AP1M1: variants seen among roughly 807,000 people sequenced by gnomAD.
AP1M1 encodes the protein AP-1 complex subunit mu-1.
AP1M1 carries 18 observed loss-of-function variants against 57.1 expected under a neutral mutation model. That is an observed-to-expected ratio of 0.32 (90% CI 0.22 to 0.47). AP1M1 has a LOEUF of 0.47. Among genes scored for constraint, AP1M1 ranks in the 20% least tolerant of loss-of-function variants. The pLI is 1.00. For missense variants in AP1M1, 362 were observed against 593.5 expected, an observed-to-expected ratio of 0.61 and a Z score of 4.05; for synonymous variants, 241 against 237.9, an observed-to-expected ratio of 1.01 and a Z score of -0.12.
At chr19:16,226,975 C>A (rs1310498760) in intron 6 of AP1M1, among the ~76,000 whole-genome samples, 2 of 152,162 alleles carry the variant, frequency 1.3e-5, no homozygotes, top group African/African-American at 4.8e-5. Context: ...AGGGCGGGGG[C>A]AGAGGGGCCC....
chr19:16,226,546 C>T lies in AP1M1; in HGVS notation c.672C>T (p.Gly224=). The T allele has an allele frequency of 6.3e-7, 1 of 1,578,448 alleles. No individual in the cohort carries two copies. Among genetic ancestry groups the T allele is most frequent in the African/African-American group, 1.3e-5 (1 of 74,562 alleles). The change falls in exon 6 of 12, where the codon GGC becomes GGT. Residue 224 remains glycine, a splice_region_variant and synonymous_variant. Transcript: ENST00000291439. ...ACAAGGTCCTCTTTGACAACACGGG[C>T]CGTGAGTACCCTTGCCAAGGGCCCT... ...LNDKVLFDNT[G]RGKSKSVELE...
chr19:16,197,944 G>A lies in AP1M1; in HGVS notation c.-83G>A, dbSNP rs2091430535. 2.9e-6 allele frequency: 3 copies of A among 1,038,754 alleles called. No homozygotes were observed. The highest frequency in any genetic ancestry group is 2.5e-6 in the Non-Finnish European group (2 of 807,692). 64.3% of individuals were successfully genotyped at this position (1,038,754 alleles called of 1,614,324 possible). A position where few individuals can be genotyped will look rare whatever the true frequency, so the allele number is the denominator to read the frequency against. On this transcript the variant is annotated 5_prime_UTR_variant, in exon 1 of 12. Coordinates refer to ENST00000291439, the MANE Select transcript of AP1M1 (RefSeq NM_032493.4). ...AGGTGAGCTGTCGCGGGCGGCGCCC[G>A]GCCTTGCTCAACGCCCAGCAGTCCC...
Position 16,245,369 on chromosome 19 carries a change from C to A in AP1M1, c.*10934C>A, listed in dbSNP as rs1599472732. ...TGATCTCAGCTCACTGCAACCTCCA[C>A]CTCCTGGGTTCAAGCAATTCTCCTG... On this transcript the variant is annotated 3_prime_UTR_variant, in exon 12 of 12. Coordinates refer to ENST00000291439, the MANE Select transcript of AP1M1 (RefSeq NM_032493.4). 1 of 151,996 alleles carries A rather than the reference C, an allele frequency of 6.6e-6. No individual in the cohort carries two copies. The highest frequency in any genetic ancestry group is 1.5e-5 in the Non-Finnish European group (1 of 68,024). The allele number at this position is 151,996 out of a possible 1,614,324, so 9.4% of individuals were successfully genotyped here. A position where few individuals can be genotyped will look rare whatever the true frequency, so the allele number is the denominator to read the frequency against.
intron 1 of AP1M1, among the ~76,000 whole-genome samples, chr19:16,201,430 G>A (rs1227064759): frequency 8.9e-6 from 1 of 112,188 alleles, no homozygotes; most frequent in Non-Finnish European, 1.7e-5. Context: ...ATGGAGTTAC[G>A]TTCTGTCAGC....
intron 9 of AP1M1, among the ~76,000 whole-genome samples, chr19:16,229,954 G>T (rs910964964): frequency 2.6e-5 from 4 of 152,186 alleles, no homozygotes; most frequent in Admixed American, 6.5e-5. Context: ...CCATGGAGGG[G>T]TGGTGACCAT....
At chr19:16,213,639 C>T (rs2091505025) in intron 5 of AP1M1, among the ~76,000 whole-genome samples, 1 of 152,076 alleles carries the variant, frequency 6.6e-6, no homozygotes, top group African/African-American at 2.4e-5. Context: ...GGATTACAGG[C>T]ACGCGCCACC....
Position 16,207,903 on chromosome 19 carries a change from G to C in AP1M1, c.268-116G>C, listed in dbSNP as rs1357412236. On this transcript the variant is annotated intron_variant, in intron 3 of 11. Coordinates refer to ENST00000291439, the MANE Select transcript of AP1M1 (RefSeq NM_032493.4). This position sits in a 1 kb window ranked among gnomAD's most constrained non-coding sequence, Gnocchi z 4.2. ...TGTAGCACACCACCGAGCCTGGGAA[G>C]TAGGCTGTTGGTAGGACTTAGCGGG... 4 of 1,344,306 alleles carry C rather than the reference G, an allele frequency of 3.0e-6. No homozygotes were observed. The highest frequency in any genetic ancestry group is 4.1e-6 in the Non-Finnish European group (4 of 978,858). The allele number at this position is 1,344,306 out of a possible 1,614,324, so 83.3% of individuals were successfully genotyped here. A position where few individuals can be genotyped will look rare whatever the true frequency, so the allele number is the denominator to read the frequency against.
chr19:16,227,991 C>T lies in AP1M1; in HGVS notation c.817-146C>T, dbSNP rs2091578650. Reference sequence around the variant, plus strand: ...ACCTCGGCCTGTCTGCCCTGGCCCTCCCTGACGCTGGCTGTACGCTCCCTG... The same window carrying T: ...ACCTCGGCCTGTCTGCCCTGGCCCTTCCTGACGCTGGCTGTACGCTCCCTG... On this transcript the variant is annotated intron_variant, in intron 7 of 11. Transcript: ENST00000291439. The surrounding 1 kb of genome is among the most constrained non-coding windows in gnomAD (Gnocchi z 6.2). The T allele has an allele frequency of 1.1e-6, 1 of 897,260 alleles. No homozygotes were observed. Among genetic ancestry groups the T allele is most frequent in the Non-Finnish European group, 1.7e-6 (1 of 578,630 alleles). The allele number at this position is 897,260 out of a possible 1,614,324, so 55.6% of individuals were successfully genotyped here.
intron 5 of AP1M1, among the ~76,000 whole-genome samples, chr19:16,220,832 G>A (rs10451499): frequency 0.015 from 2,350 of 152,248 alleles, 62 homozygotes; most frequent in African/African-American, 0.053. Flanking sequence ...CTGAATTGAC[G>A]GTTTTTGTTT....
In AP1M1 at chr19:16,226,773, C is replaced by T. The variant is rs888516025; in HGVS notation, c.673+226C>T. ...TCCAGTCCAGCTGGGAGGCCCCCGT[C>T]ACCCGGCCTCACACGCCAGGTCCTG... On this transcript the variant is annotated intron_variant, in intron 6 of 11. Transcript: ENST00000291439. The T allele has an allele frequency of 1.3e-5, 7 of 540,390 alleles. No individual in the cohort carries two copies. The Admixed American group carries it at 2.4e-4, about 19-fold the overall frequency. The allele number at this position is 540,390 out of a possible 1,614,324, so 33.5% of individuals were successfully genotyped here. A position where few individuals can be genotyped will look rare whatever the true frequency, so the allele number is the denominator to read the frequency against.
chr19:16,205,628 G>C (rs1458185449), intron 2 of AP1M1, among the ~76,000 whole-genome samples: 3 of 152,092 alleles, frequency 2.0e-5, no homozygotes, highest in East Asian at 3.9e-4. Context: ...GCAGTGCATG[G>C]GCCTACAGAG....
intron 9 of AP1M1, among the ~76,000 whole-genome samples, chr19:16,231,008 G>T (rs1004339536): frequency 2.0e-5 from 3 of 151,974 alleles, no homozygotes; most frequent in African/African-American, 7.3e-5. Flanking sequence ...TACAGAGAGG[G>T]CCAGGCGCTG....
rs1285298330 is a variant in AP1M1 at position 16,241,147 on chromosome 19, T to C, written c.*6712T>C. 6.6e-6 allele frequency: 1 copy of C among 151,932 alleles called. No homozygotes were observed. The highest frequency in any genetic ancestry group is 2.4e-5 in the African/African-American group (1 of 41,368). The allele number at this position is 151,932 out of a possible 1,614,324, so 9.4% of individuals were successfully genotyped here. A position where few individuals can be genotyped will look rare whatever the true frequency, so the allele number is the denominator to read the frequency against. The stretch of plus-strand genomic sequence containing the variant: ...GACCAACAAGGAGAAACCCCATCTC[T>C]ACTAGAAATACAAAATTAGCCAGGT... On this transcript the variant is annotated 3_prime_UTR_variant, in exon 12 of 12. Coordinates refer to ENST00000291439, the MANE Select transcript of AP1M1 (RefSeq NM_032493.4).
rs746086930 is a variant in AP1M1 at position 16,203,594 on chromosome 19, A to C, written c.178A>C (p.Ile60Leu). 1 of 1,612,730 alleles carries C rather than the reference A, an allele frequency of 6.2e-7. No homozygotes were observed. Among genetic ancestry groups the C allele is most frequent in the Non-Finnish European group, 8.5e-7 (1 of 1,179,210 alleles). Residue 60 changes from isoleucine (I) to leucine (L), a missense_variant, in exon 2 of 12, where the codon ATC becomes CTC. Coordinates refer to ENST00000291439, the MANE Select transcript of AP1M1 (RefSeq NM_032493.4). This position sits in a 1 kb window ranked among gnomAD's most constrained non-coding sequence, Gnocchi z 4.6. ...LAHGGVRFMWIKHNNLYLVAT... is the reference protein window; with the variant it reads ...LAHGGVRFMWLKHNNLYLVAT... ...CCACGGGGGGGTCCGTTTCATGTGG[A>C]TCAAACACAACAACCTGTATCGTAT... is the stretch of plus-strand genomic sequence containing the variant.
At position 16,206,511 on chromosome 19, in the gene AP1M1, C is replaced by T. The variant is rs2145116904; in HGVS notation, c.267+103C>T. ...CACCCTACAGAGAGCTGTGGCATCC[C>T]CAGGGAGCACTGGGGCTGGAAGCCC... On this transcript the variant is annotated intron_variant, in intron 3 of 11. Transcript: ENST00000291439. The surrounding 1 kb of genome is among the most constrained non-coding windows in gnomAD (Gnocchi z 4.3). 2.4e-6 allele frequency: 3 copies of T among 1,244,188 alleles called. No homozygotes were observed. The highest frequency in any genetic ancestry group is 1.5e-5 in the African/African-American group (1 of 67,110). 77.1% of individuals were successfully genotyped at this position (1,244,188 alleles called of 1,614,324 possible).
At chr19:16,233,665 G>A (rs369068079) in intron 10 of AP1M1, 47 bp downstream of exon 10, 27 of 1,571,064 alleles carry the variant, frequency 1.7e-5, no homozygotes, top group Admixed American at 3.7e-5. Context: ...GACAGAGGCC[G>A]CAGGTGACAG....
chr19:16,208,164 G>T lies in AP1M1; in HGVS notation c.398+15G>T, dbSNP rs199694828. 180 of 1,608,770 alleles carry T rather than the reference G, an allele frequency of 1.1e-4. No homozygotes were observed. Among genetic ancestry groups the T allele is most frequent in the African/African-American group, 4.7e-4 (35 of 74,796 alleles). ...ATCCTGCAGGAGTGAGTGGGCAGGG[G>T]TGGGGCCTGGGGCCAGGCCTGGGCG... On this transcript the variant is annotated intron_variant, in intron 4 of 11. Transcript: ENST00000291439.
At chr19:16,219,231 C>T (rs1448689145) in intron 5 of AP1M1, among the ~76,000 whole-genome samples, 1 of 151,934 alleles carries the variant, frequency 6.6e-6, no homozygotes, top group Non-Finnish European at 1.5e-5. Flanking sequence ...AATAAAATCC[C>T]ATTGGTCATA....
chr19:16,206,393 C>T lies in AP1M1; in HGVS notation c.252C>T (p.Leu84=), dbSNP rs747130464. The T allele has an allele frequency of 1.2e-6, 2 of 1,614,054 alleles. No individual in the cohort carries two copies. The highest frequency in any genetic ancestry group is 1.7e-6 in the Non-Finnish European group (2 of 1,179,974). The change falls in exon 3 of 12, where the codon CTC becomes CTT. Residue 84 remains leucine (L), a synonymous_variant. Coordinates refer to ENST00000291439, the MANE Select transcript of AP1M1 (RefSeq NM_032493.4). This position sits in a 1 kb window ranked among gnomAD's most constrained non-coding sequence, Gnocchi z 4.3. ...NACVSLVFSF[L]YKVVQVFSEY... Reference sequence around the variant, plus strand: ...GCGTGTCGCTGGTCTTTTCTTTCCTCTATAAGGTGGTGCAGGTGAGTCTCG... The same window carrying T: ...GCGTGTCGCTGGTCTTTTCTTTCCTTTATAAGGTGGTGCAGGTGAGTCTCG...
Sources: gnomAD v4.1 joint callset for allele counts (sites outside exome capture counted in the v4.1 genomes callset) on GRCh38, gnomAD v4.1.1 for gene constraint, Gnocchi (gnomAD v3.1) non-coding constraint, MANE v1.5 for transcripts, NCBI Gene and HGNC (gene_info 2026-07-23, HGNC 2026-07-21) for gene names.